The following ELOVL5 variants were observed in gnomAD, a reference collection of about 807,000 sequenced individuals.
The protein encoded by ELOVL5 is ELOVL fatty acid elongase 5.
A neutral mutation model predicts 38.6 loss-of-function variants in ELOVL5; 8 were observed. That is an observed-to-expected ratio of 0.21 (90% CI 0.12 to 0.37). The LOEUF is 0.37. Ranked by LOEUF, ELOVL5 falls within the 10% of genes least tolerant of loss-of-function variation. The probability of loss-of-function intolerance (pLI) is 1.00; values close to 1 mark genes in which losing one functional copy is unlikely to be tolerated. For missense variants in ELOVL5, 280 were observed against 367.8 expected, an observed-to-expected ratio of 0.76 and a Z score of 1.95; for synonymous variants, 127 against 133.7, an observed-to-expected ratio of 0.95 and a Z score of 0.34.
At chr6:53,307,720 G>A (rs1396603886) in intron 1 of ELOVL5, among the ~76,000 whole-genome samples, 1 of 152,228 alleles carries the variant, frequency 6.6e-6, no homozygotes, top group Non-Finnish European at 1.5e-5. Flanking sequence ...GAAATGTCAA[G>A]GAGATGCTGG....
Position 53,273,335 on chromosome 6 carries a change from C to A in ELOVL5, c.506G>T (p.Gly169Val). 6.2e-7 allele frequency: 1 copy of A among 1,612,492 alleles called. No individual in the cohort carries two copies. The highest frequency in any genetic ancestry group is 8.5e-7 in the Non-Finnish European group (1 of 1,179,380). The change falls in exon 6 of 8, where the codon GGT becomes GTT. Residue 169 changes from glycine to valine, a missense_variant. This residue lies in a region of ELOVL5 where 125 missense variants were observed against 158.9 expected (regional missense o/e 0.79). Coordinates refer to ENST00000304434, the MANE Select transcript of ELOVL5 (RefSeq NM_021814.5). ...NWVPCGHSYF[G>V]ATLNSFIHVL... Reference sequence around the variant, plus strand: ...GTGGATGAAGCTATTAAGTGTGGCACCAAAATAAGCTGCAGGAACAGAGGG... The same window carrying A: ...GTGGATGAAGCTATTAAGTGTGGCAACAAAATAAGCTGCAGGAACAGAGGG...
intron 1 of ELOVL5, among the ~76,000 whole-genome samples, chr6:53,306,653 C>G (rs1767592061): frequency 6.6e-6 from 1 of 152,088 alleles, no homozygotes; most frequent in African/African-American, 2.4e-5. Flanking sequence ...TCAGCAGAGT[C>G]AAGACAAGGA....
intron 7 of ELOVL5, 78 bp downstream of exon 7, chr6:53,270,515 T>A (rs966203589): frequency 1.3e-6 from 2 of 1,504,396 alleles, no homozygotes; most frequent in African/African-American, 1.4e-5. Context: ...GGGCTCCACA[T>A]GCCCATTAAG....
intron 1 of ELOVL5, among the ~76,000 whole-genome samples, chr6:53,322,320 T>C (rs536147842): frequency 2.6e-5 from 4 of 152,326 alleles, no homozygotes; most frequent in African/African-American, 9.6e-5. Flanking sequence ...TCCAGTTGTT[T>C]TTTTAATTAT....
intron 1 of ELOVL5, among the ~76,000 whole-genome samples, chr6:53,345,312 A>C (rs1329362707): frequency 2.0e-5 from 3 of 152,176 alleles, no homozygotes; most frequent in African/African-American, 4.8e-5. Flanking sequence ...GGTCAGATGC[A>C]CAGGTAGGTC....
In ELOVL5 at chr6:53,269,247, G is replaced by A. The variant is rs558021756; in HGVS notation, c.780C>T (p.Ser260=). The change falls in exon 8 of 8, where the codon TCC becomes TCT. Residue 260 remains serine, a synonymous_variant. Coordinates refer to ENST00000304434, the MANE Select transcript of ELOVL5 (RefSeq NM_021814.5). ...GGTCCTTCAGGTGGTCTTTCCTTCG[G>A]GAGGCCCCTTTCTTGTTGTAGGTCT... The part of the protein sequence containing the change: ...YIQTYNKKGA[S]RRKDHLKDHQ... 4.0e-5 allele frequency: 64 copies of A among 1,611,296 alleles called. No homozygotes were observed. The highest frequency in any genetic ancestry group is 5.1e-5 in the Non-Finnish European group (60 of 1,178,636).
chr6:53,269,906 G>A (rs1435145324), intron 7 of ELOVL5, among the ~76,000 whole-genome samples: 1 of 152,204 alleles, frequency 6.6e-6, no homozygotes, highest in Non-Finnish European at 1.5e-5. Context: ...AAATGTCTGA[G>A]CCTCGGGACT....
chr6:53,316,548 T>C (rs1383728441), intron 1 of ELOVL5, among the ~76,000 whole-genome samples: 1 of 151,270 alleles, frequency 6.6e-6, no homozygotes, highest in Non-Finnish European at 1.5e-5. Flanking sequence ...GGGGTGACAG[T>C]TGGGGCGAGA....
chr6:53,305,939 C>T (rs1383246320), intron 1 of ELOVL5, among the ~76,000 whole-genome samples: 3 of 151,982 alleles, frequency 2.0e-5, no homozygotes, highest in Admixed American at 2.0e-4. Context: ...AACGAGACTC[C>T]GTCTGCAATC....
At chr6:53,323,576 CTT>C (rs3063792) in intron 1 of ELOVL5, among the ~76,000 whole-genome samples, 10 of 81,546 alleles carry the variant, frequency 1.2e-4, no homozygotes, top group Admixed American at 3.4e-4. Context: ...TACTAGCCAG[CTT>C]TTTTTTTTTT....
intron 1 of ELOVL5, among the ~76,000 whole-genome samples, chr6:53,340,462 C>G (rs916796239): frequency 6.6e-6 from 1 of 152,108 alleles, no homozygotes; most frequent in African/African-American, 2.4e-5. Flanking sequence ...CAGTAAAGTC[C>G]TAGGCCTTCA....
At chr6:53,324,252 C>CAAAAAAAAA (rs59453946) in intron 1 of ELOVL5, among the ~76,000 whole-genome samples, 76 of 110,332 alleles carry the variant, frequency 6.9e-4, no homozygotes, top group Middle Eastern at 5.1e-3. Flanking sequence ...GACTCTACCT[C>CAAAAAAAAA]AAAAAAAAAA....
At position 53,339,608 on chromosome 6, in the gene ELOVL5, C is replaced by T. The variant is rs142555359; in HGVS notation, c.-9+9209G>A. ...AACATTATAATGGAGCTGAAAAACT[C>T]CTATTGCCTAGTGACATCATAGCAC... On this transcript the variant is annotated intron_variant, in intron 1 of 7. Transcript: ENST00000304434. Among the ~76,000 whole-genome samples the T allele has an allele frequency of 1.7e-3, 259 of 152,292 alleles. 2 individuals carry two copies. The highest frequency in any genetic ancestry group is 6.0e-3 in the African/African-American group (249 of 41,560).
At chr6:53,295,146 A>G (rs1253187416) in intron 2 of ELOVL5, among the ~76,000 whole-genome samples, 3 of 152,218 alleles carry the variant, frequency 2.0e-5, no homozygotes, top group African/African-American at 7.2e-5. Context: ...ACTTTAAAAG[A>G]CTTTTACAGA....
intron 1 of ELOVL5, among the ~76,000 whole-genome samples, chr6:53,337,681 A>G (rs1769133541): frequency 6.6e-6 from 1 of 152,254 alleles, no homozygotes; most frequent in East Asian, 1.9e-4. Flanking sequence ...TATGTGCCAG[A>G]TAAACATGGC....
chr6:53,288,106 T>G (rs1267167226), intron 3 of ELOVL5, among the ~76,000 whole-genome samples: 1 of 152,178 alleles, frequency 6.6e-6, no homozygotes, highest in African/African-American at 2.4e-5. Flanking sequence ...GTGGCTTTGA[T>G]AGCTCACTGG....
chr6:53,273,911 A>T (rs915897089), intron 5 of ELOVL5, among the ~76,000 whole-genome samples: 3 of 152,206 alleles, frequency 2.0e-5, no homozygotes, highest in Non-Finnish European at 4.4e-5. Context: ...TTCAATGTTC[A>T]GTAGGACCAC....
chr6:53,285,704 G>A (rs1382188629), intron 3 of ELOVL5, among the ~76,000 whole-genome samples: 2 of 152,134 alleles, frequency 1.3e-5, no homozygotes. Context: ...GAGCTCCTGG[G>A]CACAAGCCAT....
rs746216438 is a variant in ELOVL5 at position 53,348,890 on chromosome 6, C to G, written c.-82G>C. The stretch of plus-strand genomic sequence containing the variant: ...GCGGCGGAGGGAGCGCGGGTGGCAG[C>G]CGGCGCAGAGGCGGATGTAGAAGGA... On this transcript the variant is annotated 5_prime_UTR_variant, in exon 1 of 8. Transcript: ENST00000304434. The G allele has an allele frequency of 1.0e-4, 46 of 453,680 alleles. No individual in the cohort carries two copies. The highest frequency in any genetic ancestry group is 6.5e-4 in the Middle Eastern group (2 of 3,064). The allele number at this position is 453,680 out of a possible 1,614,324, so 28.1% of individuals were successfully genotyped here.
Sources: gnomAD v4.1 joint callset for allele counts (sites outside exome capture counted in the v4.1 genomes callset) on GRCh38, gnomAD v4.1.1 for gene constraint, gnomAD v4.1.1 regional missense constraint, MANE v1.5 for transcripts, NCBI Gene and HGNC (gene_info 2026-07-23, HGNC 2026-07-21) for gene names.